OPA1: variants seen among roughly 807,000 people sequenced by gnomAD.
OPA1 encodes the protein OPA1 mitochondrial dynamin like GTPase, also known as dynamin-like GTPase OPA1, mitochondrial.
In OPA1, 59 loss-of-function variants were observed where a neutral mutation model predicts 152.9. The ratio of observed to expected loss-of-function variants is 0.39; its 90% CI spans 0.31 to 0.48. The LOEUF is 0.48. Ranked by LOEUF, OPA1 falls within the 20% of genes least tolerant of loss-of-function variation. The pLI, the probability that OPA1 is intolerant of heterozygous loss-of-function variation, is 0.96. For missense variants in OPA1, 1,008 were observed against 1,216.8 expected, an observed-to-expected ratio of 0.83 and a Z score of 2.55; for synonymous variants, 400 against 389.9, an observed-to-expected ratio of 1.03 and a Z score of -0.31.
intron 21 of OPA1, among the ~76,000 whole-genome samples, chr3:193,649,478 C>T (rs924365023): frequency 6.6e-6 from 1 of 152,138 alleles, no homozygotes; most frequent in African/African-American, 2.4e-5. Flanking sequence ...TATAAATAGC[C>T]TTGACATTTT....
intron 29 of OPA1, among the ~76,000 whole-genome samples, chr3:193,680,775 AT>A (rs1013589910): frequency 3.3e-5 from 5 of 152,196 alleles, no homozygotes; most frequent in African/African-American, 1.2e-4. Flanking sequence ...CCTAAATCAT[AT>A]TTTTTAAAAT....
rs949979832 is a variant in OPA1, at chr3:193,647,148, A to C, written c.1838A>C (p.Glu613Ala). Residue 613 changes from glutamate (E) to alanine (A), a missense_variant, in exon 19 of 31, where the codon GAG becomes GCG. Glu to Ala is a moderately radical substitution (Grantham distance 107). Transcript: ENST00000361510. The part of the protein sequence containing the change: ...VSDCFWKMVR[E>A]SVEQQADSFK... ...GACTGCTTTTGGAAAATGGTACGAG[A>C]GTCTGTTGAACAACAGGCTGATAGT... is the stretch of plus-strand genomic sequence containing the variant. The C allele has an allele frequency of 1.2e-6, 2 of 1,613,232 alleles. No individual in the cohort carries two copies. Among genetic ancestry groups the C allele is most frequent in the Admixed American group, 3.3e-5 (2 of 60,010 alleles).
At chr3:193,651,774 C>T (rs74318378) in intron 21 of OPA1, among the ~76,000 whole-genome samples, 4,080 of 151,858 alleles carry the variant, frequency 0.027, 87 homozygotes, top group Non-Finnish European at 0.041. Flanking sequence ...CAAATAGTTA[C>T]GTAGACATAA....
intron 2 of OPA1, among the ~76,000 whole-genome samples, 161 bp downstream of exon 2, chr3:193,615,202 C>T (rs1324104502): frequency 6.6e-6 from 1 of 152,124 alleles, no homozygotes; most frequent in Non-Finnish European, 1.5e-5. Context: ...TAGGAAGATG[C>T]CTTTAGAATC....
rs1553870281 is a variant in OPA1 at position 193,612,290 on chromosome 3, T to TTA, written c.33-2433_33-2432insTA. 3.1e-3 allele frequency among the ~76,000 whole-genome samples: 454 copies of TTA among 148,386 alleles called. 2 individuals are homozygous for TTA. The highest frequency in any genetic ancestry group is 0.011 in the African/African-American group (425 of 39,406). ...TTCCTTTTTTTTTTTTTTTTTTTTT[T>TTA]AAATCATCTTCAGGGTGAAAGTGTA... On this transcript the variant is annotated intron_variant, in intron 1 of 30. Coordinates refer to ENST00000361510, the MANE Select transcript of OPA1 (RefSeq NM_130837.3).
At chr3:193,612,806 A>G (rs1728460612) in intron 1 of OPA1, among the ~76,000 whole-genome samples, 1 of 152,184 alleles carries the variant, frequency 6.6e-6, no homozygotes, top group Non-Finnish European at 1.5e-5. Flanking sequence ...CTCTAACTGA[A>G]TCCAATCCAG....
intron 5 of OPA1, 164 bp from the exon 6 acceptor site, chr3:193,618,705 T>C: frequency 1.6e-6 from 1 of 638,926 alleles, no homozygotes; most frequent in Non-Finnish European, 2.8e-6. Context: ...CTGCACAGGT[T>C]ATCAGTCATG....
chr3:193,596,306 T>TTTTCTTTTCCTTTCCTTTCC, intron 1 of OPA1, among the ~76,000 whole-genome samples: 1 of 105,414 alleles, frequency 9.5e-6, no homozygotes, highest in East Asian at 2.9e-4. Flanking sequence ...TTTTCTTTTC[T>TTTTCTTTTCCTTTCCTTTCC]TTTCCTTTCC....
intron 16 of OPA1, 85 bp downstream of exon 16, chr3:193,644,190 A>G: frequency 6.7e-7 from 1 of 1,496,110 alleles, no homozygotes; most frequent in Admixed American, 1.7e-5. Flanking sequence ...AAAAACAACA[A>G]CAACAACAAA....
At chr3:193,593,947 G>C (rs1366046925) in intron 1 of OPA1, among the ~76,000 whole-genome samples, 1 of 152,094 alleles carries the variant, frequency 6.6e-6, no homozygotes, top group East Asian at 1.9e-4. Context: ...CTAGAGCAAT[G>C]ACGCACACGG....
At chr3:193,601,338 T>C (rs1229189939) in intron 1 of OPA1, among the ~76,000 whole-genome samples, 2 of 152,136 alleles carry the variant, frequency 1.3e-5, no homozygotes, top group Non-Finnish European at 2.9e-5. Flanking sequence ...AGGGCTATCA[T>C]GAGAATTTTC....
intron 1 of OPA1, among the ~76,000 whole-genome samples, chr3:193,608,177 A>T (rs985120631): frequency 3.3e-5 from 5 of 152,068 alleles, no homozygotes; most frequent in Non-Finnish European, 5.9e-5. Flanking sequence ...TGATTTTTTG[A>T]AGGGTTTTTT....
At chr3:193,659,385 A>G in intron 24 of OPA1, 97 bp from the exon 25 acceptor site, 2 of 1,052,390 alleles carry the variant, frequency 1.9e-6, no homozygotes, top group African/African-American at 1.6e-5. Context: ...ATATTGATAT[A>G]GCACTTTGAA....
Position 193,614,806 on chromosome 3 carries a change from G to A in OPA1, c.116G>A (p.Ser39Asn). 1 of 1,606,760 alleles carries A rather than the reference G, an allele frequency of 6.2e-7. No homozygotes were observed. The highest frequency in any genetic ancestry group is 1.7e-5 in the Admixed American group (1 of 60,004). Residue 39 changes from serine (S) to asparagine (N), a missense_variant, in exon 2 of 31, where the codon AGC becomes AAC. Coordinates refer to ENST00000361510, the MANE Select transcript of OPA1 (RefSeq NM_130837.3). ...CAAAAACTACATCTGGTTTCACGAAGCATTTATCATTCACATCATCCTACC... is the reference window on the plus strand; with the variant it reads ...CAAAAACTACATCTGGTTTCACGAAACATTTATCATTCACATCATCCTACC... ...PLQKLHLVSRSIYHSHHPTLK... is the reference protein window; with the variant it reads ...PLQKLHLVSRNIYHSHHPTLK...
chr3:193,682,422 G>A (rs987414914), intron 29 of OPA1, among the ~76,000 whole-genome samples: 3 of 152,144 alleles, frequency 2.0e-5, no homozygotes, highest in Non-Finnish European at 2.9e-5. Flanking sequence ...ATTGATGAAG[G>A]TGATTATACT....
At chr3:193,668,750 C>A (rs569097946) in intron 29 of OPA1, 1 of 1,253,964 alleles carries the variant, frequency 8.0e-7, no homozygotes, top group Non-Finnish European at 1.0e-6. Flanking sequence ...TTCCCACCCC[C>A]CTAGCTTGGC....
At chr3:193,594,362 A>T (rs1725165291) in intron 1 of OPA1, among the ~76,000 whole-genome samples, 1 of 152,170 alleles carries the variant, frequency 6.6e-6, no homozygotes, top group African/African-American at 2.4e-5. Flanking sequence ...TATCGTGTTT[A>T]TAAGGAATGG....
At chr3:193,690,210 C>G (rs766088532) in intron 29 of OPA1, among the ~76,000 whole-genome samples, 1 of 150,090 alleles carries the variant, frequency 6.7e-6, no homozygotes, top group Non-Finnish European at 1.5e-5. Flanking sequence ...TTAAGTTTCT[C>G]TAGTTTAATT....
rs574817805 is a variant in OPA1, at chr3:193,600,311, A to G, written c.32+6902A>G. ...TTAGTTTCAGTATGGAGTCTCACAC[A>G]TCTTCTTTGGTGTTAATAGGGAATT... On this transcript the variant is annotated intron_variant, in intron 1 of 30. Transcript: ENST00000361510. 1.4e-4 allele frequency among the ~76,000 whole-genome samples: 22 copies of G among 152,302 alleles called. No homozygotes were observed. The South Asian group carries it at 4.1e-3, about 29-fold the overall frequency.
Sources: allele counts gnomAD v4.1 joint callset (sites outside exome capture counted in the v4.1 genomes callset), GRCh38; gene constraint gnomAD v4.1.1; transcripts MANE v1.5; gene names NCBI Gene and HGNC (gene_info 2026-07-23, HGNC 2026-07-21).